ASPRV1: variants seen among roughly 807,000 people sequenced by gnomAD.
ASPRV1 encodes the protein retroviral-like aspartic protease 1.
ASPRV1 carries 7 observed loss-of-function variants against 11.0 expected under a neutral mutation model. The ratio of observed to expected loss-of-function variants is 0.64; its 90% CI spans 0.36 to 1.20. The LOEUF (loss-of-function observed/expected upper bound fraction) is 1.20. ASPRV1 is among the 50% of genes most tolerant of loss of function. ASPRV1 has a pLI of 0.02. For synonymous variants in ASPRV1, 136 were observed against 138.4 expected (o/e 0.98, Z 0.12); for missense variants, 299 against 320.0 (o/e 0.93, Z 0.50).
chr2:69,959,927 A>G (rs1446764784), downstream of ASPRV1, among the ~76,000 whole-genome samples: 6 of 152,164 alleles, frequency 3.9e-5, no homozygotes, highest in Admixed American at 3.9e-4. Flanking sequence ...ATAAGTCAAA[A>G]TATTTTATGC....
chr2:70,063,224 C>T, the ASPRV1 span, among the ~76,000 whole-genome samples: 1 of 152,188 alleles, frequency 6.6e-6, no homozygotes, highest in Non-Finnish European at 1.5e-5. Context: ...AGACTCTCTA[C>T]TTGGCACATG....
At chr2:69,936,575 CCT>C in the ASPRV1 span, among the ~76,000 whole-genome samples, 1 of 152,220 alleles carries the variant, frequency 6.6e-6, no homozygotes, top group African/African-American at 2.4e-5. Flanking sequence ...TGGGAGAAAA[CCT>C]CTATTTAAAG....
the ASPRV1 span, chr2:69,937,988 C>G: frequency 4.1e-6 from 4 of 986,444 alleles, no homozygotes; most frequent in East Asian, 1.0e-4. Context: ...CTCAAGTGAT[C>G]CACCCGCCTT....
the ASPRV1 span, among the ~76,000 whole-genome samples, chr2:70,078,021 G>T: frequency 1.1e-4 from 17 of 151,462 alleles, no homozygotes; most frequent in African/African-American, 4.1e-4. Flanking sequence ...ACAAAAATTA[G>T]CCAGGCGTGG....
chr2:69,977,244 T>A, the ASPRV1 span, among the ~76,000 whole-genome samples: 1,193 of 152,220 alleles, frequency 7.8e-3, 10 homozygotes, highest in Middle Eastern at 0.01. Flanking sequence ...TGAACTTTTT[T>A]AAAAAATTAT....
chr2:69,940,018 A>G, the ASPRV1 span: 1 of 150,658 alleles, frequency 6.6e-6, no homozygotes, highest in South Asian at 2.1e-4. Context: ...GTATTTTTCT[A>G]AACATTCTGA....
the ASPRV1 span, chr2:70,050,887 G>C: frequency 3.3e-5 from 5 of 151,970 alleles, no homozygotes; most frequent in Non-Finnish European, 5.9e-5. Flanking sequence ...AGGCTACAGT[G>C]AGCTATGATT....
chr2:70,057,801 GT>G, the ASPRV1 span, among the ~76,000 whole-genome samples: 554 of 139,632 alleles, frequency 4.0e-3, 2 homozygotes, highest in African/African-American at 0.012. Flanking sequence ...TTTTTGTTTT[GT>G]TTTTTTTTTT....
At chr2:70,059,913 CTGGGCAACCTGTTCCTAA>C in the ASPRV1 span, 1 of 152,224 alleles carries the variant, frequency 6.6e-6, no homozygotes. Context: ...TCACCTCCTG[CTGGGCAACCTGTTCCTAA>C]TGAGCCACAG....
At chr2:69,974,372 T>G in the ASPRV1 span, among the ~76,000 whole-genome samples, 1 of 152,268 alleles carries the variant, frequency 6.6e-6, no homozygotes, top group South Asian at 2.1e-4. Flanking sequence ...TGATGGTTTT[T>G]GAAAATTTAT....
At chr2:69,985,150 C>T in the ASPRV1 span, among the ~76,000 whole-genome samples, 1 of 152,158 alleles carries the variant, frequency 6.6e-6, no homozygotes, top group Admixed American at 6.5e-5. Flanking sequence ...GCCACGGCGC[C>T]CGGCCCAGGT....
the ASPRV1 span, among the ~76,000 whole-genome samples, chr2:69,966,664 C>T: frequency 6.6e-6 from 1 of 152,212 alleles, no homozygotes; most frequent in African/African-American, 2.4e-5. Flanking sequence ...CACCAGGAAA[C>T]TTGGCTTAGA....
the ASPRV1 span, among the ~76,000 whole-genome samples, chr2:69,934,538 C>A: frequency 6.6e-6 from 1 of 152,172 alleles, no homozygotes; most frequent in Non-Finnish European, 1.5e-5. Context: ...TCAGTAAAAA[C>A]CCCCATCACT....
chr2:69,971,369 AATTG>A, the ASPRV1 span: 1 of 152,062 alleles, frequency 6.6e-6, no homozygotes, highest in African/African-American at 2.4e-5. Context: ...CCAACCCACT[AATTG>A]ATCCCCACCC....
the ASPRV1 span, among the ~76,000 whole-genome samples, chr2:69,947,007 A>G: frequency 6.6e-6 from 1 of 152,184 alleles, no homozygotes; most frequent in Non-Finnish European, 1.5e-5. Context: ...GAAGAGGCCA[A>G]ATGACTTCAG....
At chr2:69,956,008 G>A (rs144080732), downstream of ASPRV1, among the ~76,000 whole-genome samples, 1 of 152,200 alleles carries the variant, frequency 6.6e-6, no homozygotes, top group Non-Finnish European at 1.5e-5. Flanking sequence ...AGCTCCTGGA[G>A]AAATGGCTGA....
chr2:69,939,686 G>A, the ASPRV1 span: 1 of 152,526 alleles, frequency 6.6e-6, no homozygotes, highest in East Asian at 1.9e-4. Flanking sequence ...AGCCTCTGGC[G>A]AATCTTTTTC....
the ASPRV1 span, among the ~76,000 whole-genome samples, chr2:69,969,336 C>T: frequency 2.6e-5 from 4 of 152,214 alleles, no homozygotes; most frequent in African/African-American, 9.6e-5. Context: ...CGCCCTCTGC[C>T]GTCAGCCTTG....
At chr2:69,993,588 T>C in the ASPRV1 span, 1 of 152,172 alleles carries the variant, frequency 6.6e-6, no homozygotes, top group Non-Finnish European at 1.5e-5. Flanking sequence ...ATCTTATTCA[T>C]CCAGAGTCAC....
Sources: gnomAD v4.1 joint callset for allele counts (sites outside exome capture counted in the v4.1 genomes callset) on GRCh38, gnomAD v4.1.1 for gene constraint, MANE v1.5 for transcripts, NCBI Gene and HGNC (gene_info 2026-07-23, HGNC 2026-07-21) for gene names.